The following CCM2 variants were observed in gnomAD, a reference collection of about 807,000 sequenced individuals.
CCM2 encodes CCM2 scaffold protein.
Under a neutral mutation model 44.9 loss-of-function variants are expected in CCM2, and 25 were observed. The ratio of observed to expected loss-of-function variants is 0.56; its 90% CI spans 0.41 to 0.78. The LOEUF (loss-of-function observed/expected upper bound fraction) is 0.78, where lower values mean the gene tolerates loss of function less well. Ranked by LOEUF, CCM2 falls within the 30% of genes least tolerant of loss-of-function variation. The pLI, the probability that CCM2 is intolerant of heterozygous loss-of-function variation, is 0.00. For missense variants in CCM2, 481 were observed against 580.6 expected (o/e 0.83, Z 1.76); for synonymous variants, 219 against 241.1 (o/e 0.91, Z 0.85).
At chr7:45,011,868 A>T (rs1350571895) in intron 1 of CCM2, among the ~76,000 whole-genome samples, 5 of 151,590 alleles carry the variant, frequency 3.3e-5, no homozygotes, top group Admixed American at 2.0e-4. Flanking sequence ...CTAACTTTTT[A>T]AAAAGTTTTT....
chr7:45,030,112 G>T (rs1409155583), intron 1 of CCM2, among the ~76,000 whole-genome samples: 1 of 152,144 alleles, frequency 6.6e-6, no homozygotes, highest in Non-Finnish European at 1.5e-5. Flanking sequence ...GTTTCTTCAG[G>T]AGAGACTTAG....
At chr7:45,050,828 G>T (rs1017466833) in intron 2 of CCM2, among the ~76,000 whole-genome samples, 2 of 152,142 alleles carry the variant, frequency 1.3e-5, no homozygotes, top group African/African-American at 2.4e-5. Context: ...TCTTCAATTG[G>T]TTCTCTTGCA....
At chr7:45,064,145 CCTT>C in intron 3 of CCM2, 144 bp downstream of exon 3, 1 of 658,002 alleles carries the variant, frequency 1.5e-6, no homozygotes, top group South Asian at 1.8e-5. Context: ...AAAGACTATT[CCTT>C]AGTATGGACA....
chr7:45,046,377 CTG>C (rs2128735873), intron 2 of CCM2, among the ~76,000 whole-genome samples: 1 of 152,280 alleles, frequency 6.6e-6, no homozygotes. Flanking sequence ...ACAATCAAGA[CTG>C]TGGTATCTGC....
chr7:45,061,457 T>TTTC (rs1798516437), intron 2 of CCM2, among the ~76,000 whole-genome samples: 1 of 94,098 alleles, frequency 1.1e-5, no homozygotes, highest in Non-Finnish European at 2.3e-5. Context: ...TCTTTCTTTC[T>TTTC]TTTTTTTTTT....
Position 45,068,551 on chromosome 7 carries a change from G to A in CCM2, c.581G>A (p.Cys194Tyr), listed in dbSNP as rs1798898712. Residue 194 changes from cysteine (C) to tyrosine (Y), a missense_variant, in exon 5 of 10, where the codon TGC (cysteine) becomes TAC (tyrosine). Transcript: ENST00000258781. The part of the protein sequence containing the change: ...ESAVGPVEAC[C>Y]LVILAAESKV... ...GCAGTTGGGCCCGTGGAGGCATGCT[G>A]CCTGGTCATCCTGGCTGCAGAGAGC... The A allele has an allele frequency of 6.2e-7, 1 of 1,613,980 alleles. No homozygotes were observed. The highest frequency in any genetic ancestry group is 1.7e-5 in the Admixed American group (1 of 60,004).
chr7:45,062,826 C>CAA (rs11326276), intron 2 of CCM2, among the ~76,000 whole-genome samples: 4,814 of 138,194 alleles, frequency 0.035, 286 homozygotes, highest in African/African-American at 0.12. Context: ...GACCCTGTCT[C>CAA]AAAAAAAAAA....
At chr7:45,030,003 TC>T (rs1335258269) in intron 1 of CCM2, among the ~76,000 whole-genome samples, 9 of 152,234 alleles carry the variant, frequency 5.9e-5, no homozygotes, top group African/African-American at 2.2e-4. Flanking sequence ...CATATGGATG[TC>T]TTTGCACAGC....
chr7:45,003,201 G>A (rs1456286692), intron 1 of CCM2, among the ~76,000 whole-genome samples: 1 of 151,994 alleles, frequency 6.6e-6, no homozygotes, highest in Admixed American at 6.6e-5. Flanking sequence ...TCAGCCTCCC[G>A]AGTAGCTGGG....
At chr7:45,071,298 T>A (rs1240636706) in intron 6 of CCM2, 1 of 150,148 alleles carries the variant, frequency 6.7e-6, no homozygotes, top group Non-Finnish European at 1.5e-5. Flanking sequence ...TCTTTAATAA[T>A]TTTTTTTTTA....
chr7:45,069,490 C>G (rs1327419010), intron 5 of CCM2, among the ~76,000 whole-genome samples: 1 of 152,240 alleles, frequency 6.6e-6, no homozygotes, highest in African/African-American at 2.4e-5. Flanking sequence ...TCACCTCTTT[C>G]CTGGGCTGGG....
At chr7:45,021,804 G>C (rs2128719116) in intron 1 of CCM2, among the ~76,000 whole-genome samples, 1 of 152,166 alleles carries the variant, frequency 6.6e-6, no homozygotes, top group Non-Finnish European at 1.5e-5. Context: ...CATTGTTCCT[G>C]CTGTTGCCTT....
chr7:45,014,780 C>T (rs1411851367), intron 1 of CCM2, among the ~76,000 whole-genome samples: 1 of 151,996 alleles, frequency 6.6e-6, no homozygotes, highest in Non-Finnish European at 1.5e-5. Flanking sequence ...CACCACCAAG[C>T]CTGTCTAATT....
chr7:45,007,409 A>G (rs1024347290), intron 1 of CCM2, among the ~76,000 whole-genome samples: 5 of 152,244 alleles, frequency 3.3e-5, no homozygotes, highest in Non-Finnish European at 5.9e-5. Context: ...AAGAACAGCA[A>G]CTGCTCTTCA....
At chr7:45,027,642 T>G in intron 1 of CCM2, 4 of 1,613,794 alleles carry the variant, frequency 2.5e-6, no homozygotes, top group Non-Finnish European at 3.4e-6. Flanking sequence ...TCAGTCATGT[T>G]TTTTTCAGAG....
At chr7:45,074,203 A>C in intron 8 of CCM2, 67 bp from the exon 9 acceptor site, 1 of 1,608,906 alleles carries the variant, frequency 6.2e-7, no homozygotes, top group Non-Finnish European at 8.5e-7. Context: ...GGCTGTGGCA[A>C]GGTGGGCCCG....
rs756484719 is a variant in CCM2 at position 45,072,713 on chromosome 7, A to C, written c.746-13A>C. The C allele has an allele frequency of 2.5e-6, 4 of 1,609,384 alleles. No individual in the cohort carries two copies. The highest frequency in any genetic ancestry group is 3.4e-6 in the Non-Finnish European group (4 of 1,176,218). ...CCTGAAAGTCATCTTAGTTTTCTGC[A>C]TCTTCCTTACAGATGACTCTTCTAC... On this transcript the variant is annotated splice_polypyrimidine_tract_variant and intron_variant, in intron 6 of 9. Transcript: ENST00000258781.
intron 6 of CCM2, chr7:45,071,455 A>G: frequency 4.2e-6 from 1 of 240,108 alleles, no homozygotes; most frequent in South Asian, 4.4e-5. Flanking sequence ...CCACACACAG[A>G]TGTGCACACG....
intron 1 of CCM2, among the ~76,000 whole-genome samples, chr7:45,034,359 C>T (rs1388447710): frequency 6.6e-6 from 1 of 152,038 alleles, no homozygotes; most frequent in East Asian, 1.9e-4. Context: ...TTACAGGCAT[C>T]TGCCACTACA....
Sources: gnomAD v4.1 joint callset for allele counts (sites outside exome capture counted in the v4.1 genomes callset) on GRCh38, gnomAD v4.1.1 for gene constraint, MANE v1.5 for transcripts, NCBI Gene and HGNC (gene_info 2026-07-23, HGNC 2026-07-21) for gene names.